The following DSCAM variants were observed in gnomAD, a reference collection of about 807,000 sequenced individuals.
The protein encoded by DSCAM is cell adhesion molecule DSCAM.
Under a neutral mutation model 217.7 loss-of-function variants are expected in DSCAM, and 47 were observed. The ratio of observed to expected loss-of-function variants is 0.22; its 90% CI spans 0.17 to 0.28. DSCAM has a LOEUF of 0.28. DSCAM is among the 10% of genes least tolerant of loss of function. The pLI is 1.00. For missense variants in DSCAM, 2,080 were observed against 2,618.3 expected, an observed-to-expected ratio of 0.79 and a Z score of 4.49; for synonymous variants, 1,056 against 1,015.3, an observed-to-expected ratio of 1.04 and a Z score of -0.76.
At chr21:40,047,487 C>T (rs1601267672) in intron 30 of DSCAM, among the ~76,000 whole-genome samples, 1 of 152,162 alleles carries the variant, frequency 6.6e-6, no homozygotes, top group Non-Finnish European at 1.5e-5. Flanking sequence ...AGCTCATGGC[C>T]TTTCAACATG....
At chr21:40,496,144 A>G (rs987266318) in intron 3 of DSCAM, among the ~76,000 whole-genome samples, 4 of 152,172 alleles carry the variant, frequency 2.6e-5, no homozygotes, top group African/African-American at 9.7e-5. Context: ...TCAAAATGGC[A>G]TTTTTCAAAG....
chr21:40,319,107 T>C (rs1343142069), intron 8 of DSCAM, among the ~76,000 whole-genome samples: 1 of 152,192 alleles, frequency 6.6e-6, no homozygotes, highest in African/African-American at 2.4e-5. Context: ...TCTCTAGACA[T>C]AGATTTGAAA....
intron 32 of DSCAM, among the ~76,000 whole-genome samples, chr21:40,013,725 C>T (rs1386488034): frequency 7.9e-5 from 12 of 152,270 alleles, no homozygotes; most frequent in South Asian, 4.2e-4. Flanking sequence ...CCACTGGGTA[C>T]GAACGGTGAT....
intron 32 of DSCAM, among the ~76,000 whole-genome samples, chr21:40,028,431 G>A (rs1012033984): frequency 3.6e-4 from 55 of 151,686 alleles, no homozygotes; most frequent in African/African-American, 1.3e-3. Flanking sequence ...GGCAATGGCG[G>A]GCCCCCCTCC....
intron 10 of DSCAM, among the ~76,000 whole-genome samples, chr21:40,287,201 G>A (rs574080742): frequency 1.4e-5 from 2 of 144,966 alleles, no homozygotes; most frequent in African/African-American, 5.8e-5. Context: ...GTGATCTGCA[G>A]TATGATGTGC....
intron 11 of DSCAM, among the ~76,000 whole-genome samples, chr21:40,234,748 T>A (rs529329817): frequency 2.6e-5 from 4 of 152,274 alleles, no homozygotes; most frequent in African/African-American, 9.6e-5. Flanking sequence ...GGTGGATATG[T>A]TTCTTTTTTT....
intron 1 of DSCAM, among the ~76,000 whole-genome samples, chr21:40,742,978 T>C (rs1380033553): frequency 6.6e-6 from 1 of 152,218 alleles, no homozygotes; most frequent in Non-Finnish European, 1.5e-5. Flanking sequence ...AGAGTTTGAA[T>C]GCCTCTGTCT....
At chr21:40,333,775 A>C (rs1601559473) in intron 8 of DSCAM, among the ~76,000 whole-genome samples, 1 of 152,124 alleles carries the variant, frequency 6.6e-6, no homozygotes, top group African/African-American at 2.4e-5. Flanking sequence ...ACAGTCTTGC[A>C]CTCCTGGCCT....
intron 32 of DSCAM, among the ~76,000 whole-genome samples, chr21:40,040,151 G>A (rs1254272627): frequency 2.0e-5 from 3 of 152,200 alleles, no homozygotes; most frequent in Admixed American, 1.3e-4. Context: ...CAGTAATAAT[G>A]CAGTCATCTA....
At chr21:40,134,980 T>C (rs1006363746) in intron 18 of DSCAM, among the ~76,000 whole-genome samples, 2 of 152,190 alleles carry the variant, frequency 1.3e-5, no homozygotes, top group Non-Finnish European at 2.9e-5. Context: ...GATCAACTAA[T>C]AACATTCACA....
chr21:40,487,430 A>G (rs907322398), intron 3 of DSCAM, among the ~76,000 whole-genome samples: 1 of 151,866 alleles, frequency 6.6e-6, no homozygotes, highest in African/African-American at 2.4e-5. Context: ...GCATACTGCT[A>G]TTGTCTCTCA....
chr21:40,703,802 C>T (rs373523043), intron 2 of DSCAM, among the ~76,000 whole-genome samples: 1 of 152,110 alleles, frequency 6.6e-6, no homozygotes, highest in Non-Finnish European at 1.5e-5. Context: ...CATTTTTCCA[C>T]TTCTTTTTAA....
chr21:40,624,371 G>A (rs531110684), intron 3 of DSCAM, among the ~76,000 whole-genome samples: 128 of 152,298 alleles, frequency 8.4e-4, no homozygotes, highest in African/African-American at 2.7e-3. Context: ...ACTGCCTCAT[G>A]CAAACATCTA....
At position 40,585,641 on chromosome 21, in the gene DSCAM, A is replaced by G. The variant is rs535826161; in HGVS notation, c.508+107169T>C. Among the ~76,000 whole-genome samples, 44 of 152,260 alleles carry G rather than the reference A, an allele frequency of 2.9e-4. 2 individuals are homozygous for G. The South Asian group carries it at 4.1e-3, about 14-fold the overall frequency. Reference sequence around the variant, plus strand: ...AATAAGAGGGTGTTACGGTTTGGATATAGTTTGGCCTCACCAAGTTGTAGG... The same window carrying G: ...AATAAGAGGGTGTTACGGTTTGGATGTAGTTTGGCCTCACCAAGTTGTAGG... On this transcript the variant is annotated intron_variant, in intron 3 of 32. Coordinates refer to ENST00000400454, the MANE Select transcript of DSCAM (RefSeq NM_001389.5).
At chr21:40,599,384 C>G (rs1448265351) in intron 3 of DSCAM, among the ~76,000 whole-genome samples, 1 of 152,142 alleles carries the variant, frequency 6.6e-6, no homozygotes, top group Non-Finnish European at 1.5e-5. Context: ...CCCCCAACCC[C>G]CTGGCTGGCC....
intron 3 of DSCAM, among the ~76,000 whole-genome samples, chr21:40,669,603 T>C (rs2090247294): frequency 6.6e-6 from 1 of 151,652 alleles, no homozygotes; most frequent in Admixed American, 6.6e-5. Flanking sequence ...TTTTTTTTTT[T>C]TTGAGACAGA....
intron 3 of DSCAM, among the ~76,000 whole-genome samples, chr21:40,371,422 CA>C (rs35103902): frequency 0.013 from 1,792 of 142,542 alleles, 24 homozygotes; most frequent in African/African-American, 0.04. Context: ...AAAGGAAAGT[CA>C]AAAAAAAAAA....
chr21:40,699,251 C>G (rs2090629099), intron 2 of DSCAM, among the ~76,000 whole-genome samples: 1 of 152,194 alleles, frequency 6.6e-6, no homozygotes, highest in Non-Finnish European at 1.5e-5. Flanking sequence ...TTAATCAATA[C>G]AGGTCATATG....
In DSCAM at chr21:40,013,729, C is replaced by T. The variant is rs74687331; in HGVS notation, c.5687-343G>A. Reference sequence around the variant, plus strand: ...GGCATCAGTGTCCACTGGGTACGAACGGTGATAGACCAAACCCCGCATGTG... The same window carrying T: ...GGCATCAGTGTCCACTGGGTACGAATGGTGATAGACCAAACCCCGCATGTG... On this transcript the variant is annotated intron_variant, in intron 32 of 32. Coordinates refer to ENST00000400454, the MANE Select transcript of DSCAM (RefSeq NM_001389.5). Among the ~76,000 whole-genome samples, 29 of 152,312 alleles carry T rather than the reference C, an allele frequency of 1.9e-4. No homozygotes were observed. In the East Asian group the frequency reaches 5.2e-3, roughly 27 times the overall value.
Sources: allele counts gnomAD v4.1 joint callset (sites outside exome capture counted in the v4.1 genomes callset), GRCh38; gene constraint gnomAD v4.1.1; transcripts MANE v1.5; gene names NCBI Gene and HGNC (gene_info 2026-07-23, HGNC 2026-07-21).